TIGD5: variants seen among roughly 807,000 people sequenced by gnomAD.
The protein encoded by TIGD5 is tigger transposable element-derived protein 5.
Under a neutral mutation model 28.8 loss-of-function variants are expected in TIGD5, and 24 were observed. That is an observed-to-expected ratio of 0.83 (90% CI 0.60 to 1.17). The LOEUF (loss-of-function observed/expected upper bound fraction) is 1.17, where lower values mean the gene tolerates loss of function less well. Among genes scored for constraint, TIGD5 ranks in the 50% most tolerant of loss-of-function variants. The pLI, the probability that TIGD5 is intolerant of heterozygous loss-of-function variation, is 0.00. For synonymous variants in TIGD5, 538 were observed against 430.5 expected, an observed-to-expected ratio of 1.25 and a Z score of -3.09; for missense variants, 922 against 911.4, an observed-to-expected ratio of 1.01 and a Z score of -0.15.
rs540044357 is a variant in TIGD5, at chr8:143,600,259, G to A, written c.*427G>A. On this transcript the variant is annotated 3_prime_UTR_variant, in exon 1 of 1. Coordinates refer to ENST00000504548, the MANE Select transcript of TIGD5 (RefSeq NM_032862.5). ...GCCACAGCACAATCATCTCAGTGGC[G>A]AAGCACACCACTTGATTCTATTTTT... 56 of 196,278 alleles carry A rather than the reference G, an allele frequency of 2.9e-4. No individual in the cohort carries two copies. The highest frequency in any genetic ancestry group is 7.8e-4 in the African/African-American group (34 of 43,368). 12.2% of individuals were successfully genotyped at this position (196,278 alleles called of 1,614,324 possible).
rs1308747612 is a variant in TIGD5, at chr8:143,602,642, C to T, written c.*2810C>T. 6.6e-6 allele frequency: 1 copy of T among 152,336 alleles called. No homozygotes were observed. The highest frequency in any genetic ancestry group is 1.5e-5 in the Non-Finnish European group (1 of 68,102). The allele number at this position is 152,336 out of a possible 1,614,324, so 9.4% of individuals were successfully genotyped here. A position where few individuals can be genotyped will look rare whatever the true frequency, so the allele number is the denominator to read the frequency against. On this transcript the variant is annotated 3_prime_UTR_variant, in exon 1 of 1. Coordinates refer to ENST00000504548, the MANE Select transcript of TIGD5 (RefSeq NM_032862.5). ...GCTCTGGCCTCCGCTCTGGCAGATT[C>T]TGCACATTCCCTGCAGGCGCAGGGG...
Position 143,600,697 on chromosome 8 carries a change from C to A in TIGD5, c.*865C>A, listed in dbSNP as rs1829248114. ...TGGCATTAGCCCCCAGGGCAATACG[C>A]AGTGCCACCCTCTGTGGGCTCTCCT... is the stretch of plus-strand genomic sequence containing the variant. On this transcript the variant is annotated 3_prime_UTR_variant, in exon 1 of 1. Coordinates refer to ENST00000504548, the MANE Select transcript of TIGD5 (RefSeq NM_032862.5). 1 of 152,304 alleles carries A rather than the reference C, an allele frequency of 6.6e-6. No individual in the cohort carries two copies. Among genetic ancestry groups the A allele is most frequent in the South Asian group, 2.1e-4 (1 of 4,838 alleles). The allele number at this position is 152,304 out of a possible 1,614,324, so 9.4% of individuals were successfully genotyped here.
chr8:143,598,595 A>G lies in TIGD5; in HGVS notation c.692A>G (p.Tyr231Cys). ...PAPPPPAEGG[Y>C]GDEQIYSASV... ...CCGCCGCCCCCGGCCGAGGGCGGCT[A>G]CGGGGACGAGCAGATTTACAGCGCC... The change falls in exon 1 of 1, where the codon TAC becomes TGC. Residue 231 changes from tyrosine to cysteine, a missense_variant. This residue lies in a region of TIGD5 where 821 missense variants were observed against 815.2 expected (regional missense o/e 1.01). Coordinates refer to ENST00000504548, the MANE Select transcript of TIGD5 (RefSeq NM_032862.5). The surrounding 1 kb of genome is among the most constrained non-coding windows in gnomAD (Gnocchi z 6.6). 4 of 1,308,236 alleles carry G rather than the reference A, an allele frequency of 3.1e-6. No individual in the cohort carries two copies. The highest frequency in any genetic ancestry group is 3.9e-5 in the Admixed American group (1 of 25,390). 81.0% of individuals were successfully genotyped at this position (1,308,236 alleles called of 1,614,324 possible).
Position 143,598,313 on chromosome 8 carries a change from A to G in TIGD5, c.410A>G (p.Gln137Arg). The change falls in exon 1 of 1, where the codon CAG becomes CGG. Residue 137 changes from glutamine (Q) to arginine (R), a missense_variant. Physicochemically the swap from Gln to Arg is conservative, Grantham distance 43. Transcript: ENST00000504548. This position sits in a 1 kb window ranked among gnomAD's most constrained non-coding sequence, Gnocchi z 6.6. ...AVYAWFLALR[Q>R]HGVPLSGPLI... is the part of the protein sequence containing the mutation. ...TACGCCTGGTTCCTGGCGCTGCGCC[A>G]GCACGGGGTGCCGCTGTCTGGCCCG... 6.2e-7 allele frequency: 1 copy of G among 1,608,792 alleles called. No individual in the cohort carries two copies. Among genetic ancestry groups the G allele is most frequent in the East Asian group, 2.2e-5 (1 of 44,508 alleles).
In TIGD5 at chr8:143,597,941, G is replaced by A; in HGVS notation, c.38G>A (p.Arg13His). 1.1e-6 allele frequency: 1 copy of A among 872,188 alleles called. No individual in the cohort carries two copies. The highest frequency in any genetic ancestry group is 1.4e-6 in the Non-Finnish European group (1 of 730,148). 54.0% of individuals were successfully genotyped at this position (872,188 alleles called of 1,614,324 possible). A position where few individuals can be genotyped will look rare whatever the true frequency, so the allele number is the denominator to read the frequency against. The change falls in exon 1 of 1, where the codon CGC (arginine) becomes CAC (histidine). Residue 13 changes from arginine to histidine, a missense_variant. Around this residue, in one of 3 missense-constraint regions of TIGD5, gnomAD observed 87 missense variants for 60.9 expected, o/e 1.43. Transcript: ENST00000504548. ...PAGPPAGPVP[R>H]RGRRPLPGPP... ...GGCCCCCCGGCCGGCCCGGTACCGC[G>A]CCGCGGCCGCCGTCCCCTGCCCGGG...
chr8:143,599,455 G>T lies in TIGD5; in HGVS notation c.1552G>T (p.Ala518Ser). 6.3e-7 allele frequency: 1 copy of T among 1,585,386 alleles called. No homozygotes were observed. Residue 518 changes from alanine to serine, a missense_variant, in exon 1 of 1, where the codon GCT becomes TCT. Ala to Ser is a moderately conservative substitution (Grantham distance 99, BLOSUM62 1). This residue lies in a region of TIGD5 where 821 missense variants were observed against 815.2 expected (regional missense o/e 1.01). Transcript: ENST00000504548. ...GCTCAGCGACCTCACCCACCTGGCG[G>T]CTCTGGCCTACAAGTGCCTGGCTCC... Reference protein sequence around the residue: ...RVLSDLTHLAALAYKCLAPEE... With the variant: ...RVLSDLTHLASLAYKCLAPEE...
chr8:143,597,873 C>T lies in TIGD5; in HGVS notation c.-31C>T. 2.6e-6 allele frequency: 2 copies of T among 755,488 alleles called. No homozygotes were observed. Among genetic ancestry groups the T allele is most frequent in the Non-Finnish European group, 3.2e-6 (2 of 622,492 alleles). 46.8% of individuals were successfully genotyped at this position (755,488 alleles called of 1,614,324 possible). A position where few individuals can be genotyped will look rare whatever the true frequency, so the allele number is the denominator to read the frequency against. ...CGGCTGGGCGTGTGGCTCCCGCGAC[C>T]CGCGCGGCCCGGGTCCCCCCCGCCG... is the stretch of plus-strand genomic sequence containing the variant. On this transcript the variant is annotated 5_prime_UTR_variant, in exon 1 of 1. Transcript: ENST00000504548.
rs1829249277 is a variant in TIGD5, at chr8:143,600,815, GC to G, written c.*987del. 6.6e-6 allele frequency: 1 copy of G among 152,338 alleles called. No homozygotes were observed. Among genetic ancestry groups the G allele is most frequent in the Non-Finnish European group, 1.5e-5 (1 of 68,116 alleles). 9.4% of individuals were successfully genotyped at this position (152,338 alleles called of 1,614,324 possible). On this transcript the variant is annotated 3_prime_UTR_variant, in exon 1 of 1. Transcript: ENST00000504548. Reference sequence around the variant, plus strand: ...AGGCCTACTTTGAAAGGAGGAAAGGGCCCCAGGGCCTGTCAAACCCTGGTTC... The same window carrying G: ...AGGCCTACTTTGAAAGGAGGAAAGGGCCCAGGGCCTGTCAAACCCTGGTTC...
rs975804456 is a variant in TIGD5, at chr8:143,603,016, C to T, written c.*3184C>T. 6.6e-6 allele frequency: 1 copy of T among 152,210 alleles called. No individual in the cohort carries two copies. The highest frequency in any genetic ancestry group is 2.4e-5 in the African/African-American group (1 of 41,432). The allele number at this position is 152,210 out of a possible 1,614,324, so 9.4% of individuals were successfully genotyped here. On this transcript the variant is annotated 3_prime_UTR_variant, in exon 1 of 1. Transcript: ENST00000504548. Reference sequence around the variant, plus strand: ...GGGGAGCACCCCCAGACGGGGGGGTCCTGCAGAGACCCCAACCCCTTACCT... The same window carrying T: ...GGGGAGCACCCCCAGACGGGGGGGTTCTGCAGAGACCCCAACCCCTTACCT...
In TIGD5 at chr8:143,600,047, G is replaced by A; in HGVS notation, c.*215G>A. 2.2e-6 allele frequency: 1 copy of A among 459,178 alleles called. No individual in the cohort carries two copies. The allele number at this position is 459,178 out of a possible 1,614,324, so 28.4% of individuals were successfully genotyped here. ...GGGGCACAGCTGGAAGAGAGGCCTG[G>A]CCCATGCTCCTCTCAGGGCAGGCAC... On this transcript the variant is annotated 3_prime_UTR_variant, in exon 1 of 1. Coordinates refer to ENST00000504548, the MANE Select transcript of TIGD5 (RefSeq NM_032862.5).
chr8:143,598,954 C>T lies in TIGD5; in HGVS notation c.1051C>T (p.Gln351Ter), dbSNP rs936824490. The T allele has an allele frequency of 1.3e-6, 2 of 1,583,586 alleles. No individual in the cohort carries two copies. The highest frequency in any genetic ancestry group is 1.7e-6 in the Non-Finnish European group (2 of 1,173,040). Residue 351 changes from glutamine (Q) to a stop codon, truncating the protein, a stop_gained, in exon 1 of 1, where the codon CAG becomes TAG. Transcript: ENST00000504548. LOFTEE classifies it high-confidence loss of function. This position sits in a 1 kb window ranked among gnomAD's most constrained non-coding sequence, Gnocchi z 6.6. ...KRYLRRSCLQ[Q>*]KAVLLVAHPP... ...CTACCTGCGCCGAAGCTGCCTGCAG[C>T]AGAAGGCCGTGCTGCTGGTGGCCCA...
rs961686745 is a variant in TIGD5 at position 143,600,213 on chromosome 8, C to T, written c.*381C>T. 4 of 250,244 alleles carry T rather than the reference C, an allele frequency of 1.6e-5. No homozygotes were observed. The highest frequency in any genetic ancestry group is 3.0e-5 in the Non-Finnish European group (4 of 131,634). The allele number at this position is 250,244 out of a possible 1,614,324, so 15.5% of individuals were successfully genotyped here. A position where few individuals can be genotyped will look rare whatever the true frequency, so the allele number is the denominator to read the frequency against. On this transcript the variant is annotated 3_prime_UTR_variant, in exon 1 of 1. Transcript: ENST00000504548. ...CGAAACTCCTGTCTGCTATCGAGCCCTGGTGCTATGTGGCCCCGGAGCCAC... is the reference window on the plus strand; with the variant it reads ...CGAAACTCCTGTCTGCTATCGAGCCTTGGTGCTATGTGGCCCCGGAGCCAC...
Position 143,598,807 on chromosome 8 carries a change from A to T in TIGD5, c.904A>T (p.Ser302Cys), listed in dbSNP as rs1309132526. The change falls in exon 1 of 1, where the codon AGC becomes TGC. Residue 302 changes from serine (S) to cysteine (C), a missense_variant. Ser to Cys is a moderately radical substitution (Grantham distance 112, BLOSUM62 -1). Transcript: ENST00000504548. This position sits in a 1 kb window ranked among gnomAD's most constrained non-coding sequence, Gnocchi z 6.6. ...CATCGGGCGGCTGCCGGACCCGCCC[A>T]GCCTGCGCCACCACAACCAGGACAA... ...LVIGRLPDPP[S>C]LRHHNQDKFP... is the part of the protein sequence containing the mutation. 6.2e-7 allele frequency: 1 copy of T among 1,600,182 alleles called. No homozygotes were observed. The highest frequency in any genetic ancestry group is 1.7e-5 in the Admixed American group (1 of 59,928).
At position 143,599,491 on chromosome 8, in the gene TIGD5, G is replaced by T. The variant is rs1216068609; in HGVS notation, c.1588G>T (p.Ala530Ser). ...AYKCLAPEEV[A>S]EWLHLDDDGG... ...CAAGTGCCTGGCTCCGGAGGAGGTTGCGGAGTGGCTGCACCTGGACGATGA... is the reference window on the plus strand; with the variant it reads ...CAAGTGCCTGGCTCCGGAGGAGGTTTCGGAGTGGCTGCACCTGGACGATGA... The change falls in exon 1 of 1, where the codon GCG (alanine) becomes TCG (serine). Residue 530 changes from alanine to serine, a missense_variant. Ala to Ser is a moderately conservative substitution (Grantham distance 99, BLOSUM62 1). Around this residue, in one of 3 missense-constraint regions of TIGD5, gnomAD observed 821 missense variants for 815.2 expected, o/e 1.01. Transcript: ENST00000504548. The T allele has an allele frequency of 1.3e-6, 2 of 1,592,226 alleles. No homozygotes were observed. The highest frequency in any genetic ancestry group is 2.7e-5 in the African/African-American group (2 of 74,562).
Position 143,599,368 on chromosome 8 carries a change from C to T in TIGD5, c.1465C>T (p.Pro489Ser), listed in dbSNP as rs771192983. ...LGLRAAFEPR[P>S]GEDSAGQPAQ... ...CCTGCGGGCTGCCTTCGAGCCCCGG[C>T]CCGGCGAGGACAGTGCTGGGCAGCC... Residue 489 changes from proline to serine, a missense_variant, in exon 1 of 1, where the codon CCC becomes TCC. Pro to Ser is a moderately conservative substitution (Grantham distance 74). Coordinates refer to ENST00000504548, the MANE Select transcript of TIGD5 (RefSeq NM_032862.5). 1.3e-6 allele frequency: 2 copies of T among 1,573,708 alleles called. No homozygotes were observed. The highest frequency in any genetic ancestry group is 2.3e-5 in the South Asian group (2 of 86,924).
At position 143,602,593 on chromosome 8, in the gene TIGD5, T is replaced by C. The variant is rs1457280283; in HGVS notation, c.*2761T>C. ...CTGGGGTGAGGCTGCATCTGCTTCC[T>C]CTAACAGCCGTGGCTGCCTGCGGGC... On this transcript the variant is annotated 3_prime_UTR_variant, in exon 1 of 1. Coordinates refer to ENST00000504548, the MANE Select transcript of TIGD5 (RefSeq NM_032862.5). The C allele has an allele frequency of 6.6e-6, 1 of 152,268 alleles. No individual in the cohort carries two copies. Among genetic ancestry groups the C allele is most frequent in the Admixed American group, 6.5e-5 (1 of 15,290 alleles). The allele number at this position is 152,268 out of a possible 1,614,324, so 9.4% of individuals were successfully genotyped here. A position where few individuals can be genotyped will look rare whatever the true frequency, so the allele number is the denominator to read the frequency against.
In TIGD5 at chr8:143,602,897, GC is replaced by G. The variant is rs2131393171; in HGVS notation, c.*3067del. ...CGACCCGCGTTTTCAGGGGGACGAG[GC>G]CACTGCCTTGGCCCAAGGACCTGCA... On this transcript the variant is annotated 3_prime_UTR_variant, in exon 1 of 1. Coordinates refer to ENST00000504548, the MANE Select transcript of TIGD5 (RefSeq NM_032862.5). 1 of 152,466 alleles carries G rather than the reference GC, an allele frequency of 6.6e-6. No individual in the cohort carries two copies. The highest frequency in any genetic ancestry group is 1.5e-5 in the Non-Finnish European group (1 of 68,086). 9.4% of individuals were successfully genotyped at this position (152,466 alleles called of 1,614,324 possible).
At position 143,601,660 on chromosome 8, in the gene TIGD5, C is replaced by G. The variant is rs1319201534; in HGVS notation, c.*1828C>G. 1 of 152,422 alleles carries G rather than the reference C, an allele frequency of 6.6e-6. No homozygotes were observed. Among genetic ancestry groups the G allele is most frequent in the African/African-American group, 2.4e-5 (1 of 41,480 alleles). The allele number at this position is 152,422 out of a possible 1,614,324, so 9.4% of individuals were successfully genotyped here. A position where few individuals can be genotyped will look rare whatever the true frequency, so the allele number is the denominator to read the frequency against. On this transcript the variant is annotated 3_prime_UTR_variant, in exon 1 of 1. Coordinates refer to ENST00000504548, the MANE Select transcript of TIGD5 (RefSeq NM_032862.5). ...TTTCATTTCCAACCTTTCTTCCCAT[C>G]TCAGCCCTTTTGTTGGCCCGGGTCC...
rs1373833494 is a variant in TIGD5 at position 143,598,245 on chromosome 8, G to A, written c.342G>A (p.Lys114=). 3.7e-6 allele frequency: 6 copies of A among 1,609,696 alleles called. No individual in the cohort carries two copies. The highest frequency in any genetic ancestry group is 1.7e-5 in the Admixed American group (1 of 59,890). The change falls in exon 1 of 1, where the codon AAG becomes AAA. Residue 114 remains lysine, a synonymous_variant. Coordinates refer to ENST00000504548, the MANE Select transcript of TIGD5 (RefSeq NM_032862.5). The surrounding 1 kb of genome is among the most constrained non-coding windows in gnomAD (Gnocchi z 6.6). ...QLGGEVGTQR[K]KMRLANEEEI... is the part of the protein sequence containing the mutation. ...GCGGTGAGGTGGGCACTCAGCGCAA[G>A]AAGATGCGGCTGGCCAACGAGGAGG...
Sources: gnomAD v4.1 joint callset for allele counts on GRCh38, gnomAD v4.1.1 for gene constraint, gnomAD v4.1.1 regional missense constraint, Gnocchi (gnomAD v3.1) non-coding constraint, MANE v1.5 for transcripts, NCBI Gene and HGNC (gene_info 2026-07-23, HGNC 2026-07-21) for gene names.